Variants in ZNF131 observed in about 807,000 individuals in gnomAD.
The protein encoded by ZNF131 is zinc finger protein 131.
In ZNF131, 7 loss-of-function variants were observed where a neutral mutation model predicts 60.0. That is an observed-to-expected ratio of 0.12 (90% CI 0.07 to 0.22). The LOEUF (loss-of-function observed/expected upper bound fraction) is 0.22. Ranked by LOEUF, ZNF131 falls within the 10% of genes least tolerant of loss-of-function variation. The probability of loss-of-function intolerance (pLI) is 1.00; values close to 1 mark genes in which losing one functional copy is unlikely to be tolerated. For missense variants in ZNF131, 493 were observed against 740.9 expected (o/e 0.67, Z 3.88); for synonymous variants, 257 against 253.2 (o/e 1.01, Z -0.14).
At chr5:43,167,833 A>G in intron 5 of ZNF131, 2 of 319,526 alleles carry the variant, frequency 6.3e-6, no homozygotes, top group East Asian at 1.8e-4. Context: ...CTTGTTTGTG[A>G]TGGAAGAGAC....
intron 3 of ZNF131, among the ~76,000 whole-genome samples, chr5:43,130,538 G>A (rs1461554099): frequency 6.6e-6 from 1 of 151,978 alleles, no homozygotes; most frequent in Non-Finnish European, 1.5e-5. Context: ...TTGATGTTTC[G>A]ATTCTTTTAC....
At chr5:43,159,137 C>T (rs1327989327) in intron 4 of ZNF131, among the ~76,000 whole-genome samples, 4 of 152,124 alleles carry the variant, frequency 2.6e-5, no homozygotes, top group African/African-American at 9.7e-5. Context: ...GAAGAATCTC[C>T]AGCTTAGGAA....
intron 5 of ZNF131, among the ~76,000 whole-genome samples, chr5:43,172,961 T>C (rs1327490944): frequency 6.6e-6 from 1 of 152,154 alleles, no homozygotes; most frequent in Non-Finnish European, 1.5e-5. Flanking sequence ...ACATGGTAAG[T>C]GTGCAAAAAA....
intron 5 of ZNF131, among the ~76,000 whole-genome samples, chr5:43,163,178 T>C (rs1215846311): frequency 1.3e-5 from 2 of 151,856 alleles, no homozygotes; most frequent in African/African-American, 4.8e-5. Flanking sequence ...TTTCACCATA[T>C]TGGTCAGGCC....
At chr5:43,126,709 G>A (rs942790508) in intron 3 of ZNF131, among the ~76,000 whole-genome samples, 3 of 152,110 alleles carry the variant, frequency 2.0e-5, no homozygotes, top group East Asian at 3.9e-4. Flanking sequence ...ATACTCTTCC[G>A]ATCATCGTCT....
chr5:43,167,896 G>A (rs1750554305), intron 5 of ZNF131: 2 of 439,908 alleles, frequency 4.5e-6, no homozygotes, highest in Non-Finnish European at 9.1e-6. Flanking sequence ...TGAAACTGGA[G>A]AATTTATAAA....
intron 4 of ZNF131, among the ~76,000 whole-genome samples, chr5:43,148,874 T>G (rs569930602): frequency 6.6e-6 from 1 of 152,368 alleles, no homozygotes; most frequent in African/African-American, 2.4e-5. Context: ...AGTTTCCTTG[T>G]GCAATTTTGT....
chr5:43,131,902 G>C (rs1745409058), intron 3 of ZNF131, among the ~76,000 whole-genome samples: 1 of 151,984 alleles, frequency 6.6e-6, no homozygotes, highest in Admixed American at 6.6e-5. Context: ...TTTCCAAGCA[G>C]GAAGGAAAAG....
At chr5:43,130,262 TCC>T (rs1561391163) in intron 3 of ZNF131, among the ~76,000 whole-genome samples, 2 of 14,260 alleles carry the variant, frequency 1.4e-4, no homozygotes. Flanking sequence ...AGACTCTGTC[TCC>T]AAAAAAAAAA....
intron 5 of ZNF131, among the ~76,000 whole-genome samples, chr5:43,170,636 T>C (rs1420231885): frequency 3.8e-3 from 227 of 59,800 alleles, no homozygotes; most frequent in Non-Finnish European, 4.9e-3. Context: ...CTTTGTCCCC[T>C]TTTTTTTTTT....
chr5:43,129,730 C>G (rs1561390342), intron 3 of ZNF131, among the ~76,000 whole-genome samples: 1 of 152,120 alleles, frequency 6.6e-6, no homozygotes. Flanking sequence ...TCTCGGCTCA[C>G]TACAGCCTCT....
intron 4 of ZNF131, among the ~76,000 whole-genome samples, chr5:43,150,453 A>G (rs1301690714): frequency 6.6e-6 from 1 of 152,058 alleles, no homozygotes; most frequent in Non-Finnish European, 1.5e-5. Context: ...TTTTCCCCAT[A>G]AGTACAGCAC....
chr5:43,132,813 A>C (rs188829230), intron 3 of ZNF131, among the ~76,000 whole-genome samples: 2 of 152,088 alleles, frequency 1.3e-5, no homozygotes, highest in Non-Finnish European at 2.9e-5. Flanking sequence ...GCGCCCAGCC[A>C]GGAACGTTTC....
In ZNF131 at chr5:43,139,282, T is replaced by C. The variant is rs1746509740; in HGVS notation, c.344T>C (p.Leu115Pro). The change falls in exon 4 of 7, where the codon CTA becomes CCA. Residue 115 changes from leucine (L) to proline (P), a missense_variant. By Grantham distance (98) the Leu-to-Pro change is moderately conservative. Coordinates refer to ENST00000682664, the MANE Select transcript of ZNF131 (RefSeq NM_001330707.2). ...VWKAAEFLQM[L>P]EAIKALEVRN... ...AAAGCAGCAGAGTTTCTACAAATGC[T>C]AGAAGCTATCAAAGCCCTTGAAGTC... The C allele has an allele frequency of 6.2e-7, 1 of 1,610,968 alleles. No homozygotes were observed. The highest frequency in any genetic ancestry group is 1.3e-5 in the African/African-American group (1 of 74,782).
chr5:43,144,404 A>G (rs1747319931), intron 4 of ZNF131, among the ~76,000 whole-genome samples: 1 of 150,706 alleles, frequency 6.6e-6, no homozygotes, highest in South Asian at 2.1e-4. Context: ...AATTTTTTTT[A>G]CTTTTGGTAG....
At chr5:43,174,322 A>C in intron 6 of ZNF131, 125 bp from the exon 7 acceptor site, 1 of 858,556 alleles carries the variant, frequency 1.2e-6, no homozygotes, top group Non-Finnish European at 1.7e-6. Context: ...ATTCTATTGC[A>C]GGTACCATAT....
At chr5:43,164,949 C>G (rs1750165481) in intron 5 of ZNF131, among the ~76,000 whole-genome samples, 1 of 124,152 alleles carries the variant, frequency 8.1e-6, no homozygotes, top group Non-Finnish European at 1.9e-5. Flanking sequence ...CTCTTCTCTC[C>G]TCTCCTCTCT....
At chr5:43,165,313 G>T (rs1245711773) in intron 5 of ZNF131, among the ~76,000 whole-genome samples, 1 of 106,398 alleles carries the variant, frequency 9.4e-6, no homozygotes, top group African/African-American at 3.1e-5. Context: ...TCTCTCTTTG[G>T]CTTGCAGATG....
chr5:43,175,576 T>G lies in ZNF131; in HGVS notation c.*443T>G. The stretch of plus-strand genomic sequence containing the variant: ...ATAATATAGGAAACACAAGGCTGCA[T>G]GATGAAAAGTGCATTGTTACTGTGC... On this transcript the variant is annotated 3_prime_UTR_variant, in exon 7 of 7. Transcript: ENST00000682664. 1 of 637,236 alleles carries G rather than the reference T, an allele frequency of 1.6e-6. No individual in the cohort carries two copies. 39.5% of individuals were successfully genotyped at this position (637,236 alleles called of 1,614,324 possible). A position where few individuals can be genotyped will look rare whatever the true frequency, so the allele number is the denominator to read the frequency against.
Sources: allele counts gnomAD v4.1 joint callset (sites outside exome capture counted in the v4.1 genomes callset), GRCh38; gene constraint gnomAD v4.1.1; transcripts MANE v1.5; gene names NCBI Gene and HGNC (gene_info 2026-07-23, HGNC 2026-07-21).